The following ZBTB7A variants were observed in gnomAD, a reference collection of about 807,000 sequenced individuals.
ZBTB7A encodes zinc finger and BTB domain containing 7A, also known as zinc finger and BTB domain-containing protein 7A.
Under a neutral mutation model 26.7 loss-of-function variants are expected in ZBTB7A, and 7 were observed. That is an observed-to-expected ratio of 0.26 (90% confidence interval 0.15 to 0.49). The LOEUF is 0.49. Ranked by LOEUF, ZBTB7A falls within the 20% of genes least tolerant of loss-of-function variation. The probability of loss-of-function intolerance (pLI) is 0.98; values close to 1 mark genes in which losing one functional copy is unlikely to be tolerated. For missense variants in ZBTB7A, 617 were observed against 919.5 expected (o/e 0.67, Z 4.25); for synonymous variants, 452 against 441.0 (o/e 1.02, Z -0.31).
chr19:4,064,532 C>G (rs1385931367), intron 1 of ZBTB7A, among the ~76,000 whole-genome samples: 2 of 152,278 alleles, frequency 1.3e-5, no homozygotes, highest in African/African-American at 4.8e-5. Flanking sequence ...CTGGCCTCCC[C>G]GGGACCTCTC....
At chr19:4,063,522 C>G (rs117029853) in intron 1 of ZBTB7A, among the ~76,000 whole-genome samples, 1 of 152,182 alleles carries the variant, frequency 6.6e-6, no homozygotes, top group African/African-American at 2.4e-5. Flanking sequence ...GGCAGGGAGG[C>G]GAGAGGGCTG....
At chr19:4,065,452 G>T in intron 1 of ZBTB7A, 2 of 146,882 alleles carry the variant, frequency 1.4e-5, no homozygotes, top group South Asian at 3.7e-4. Flanking sequence ...GCAGCGGCGA[G>T]GGGGCCCGGC....
At chr19:4,051,881 C>T (rs1279537738) in intron 2 of ZBTB7A, among the ~76,000 whole-genome samples, 1 of 152,000 alleles carries the variant, frequency 6.6e-6, no homozygotes, top group Non-Finnish European at 1.5e-5. Context: ...CGGAGGTATC[C>T]CTAGTTTCAT....
chr19:4,054,923 C>T lies in ZBTB7A; in HGVS notation c.310G>A (p.Val104Met), dbSNP rs1345941579. The change falls in exon 2 of 3, where the codon GTG becomes ATG. Residue 104 changes from valine to methionine, a missense_variant. Val to Met is a conservative substitution (Grantham distance 21, BLOSUM62 1). Coordinates refer to ENST00000322357, the MANE Select transcript of ZBTB7A (RefSeq NM_015898.4). ...TATLTVSTAN[V>M]GDILSAARLL... The stretch of plus-strand genomic sequence containing the variant: ...CGGGCGGCGCTGAGGATGTCACCCA[C>T]GTTGGCTGTGCTGACGGTGAGCGTG... 6.2e-7 allele frequency: 1 copy of T among 1,611,204 alleles called. No homozygotes were observed. Among genetic ancestry groups the T allele is most frequent in the Admixed American group, 1.7e-5 (1 of 59,896 alleles).
In ZBTB7A at chr19:4,045,945, G is replaced by A. The variant is rs997591835; in HGVS notation, c.*1807C>T. 4 of 398,570 alleles carry A rather than the reference G, an allele frequency of 1.0e-5. No homozygotes were observed. Among genetic ancestry groups the A allele is most frequent in the South Asian group, 2.5e-4 (2 of 7,860 alleles). The allele number at this position is 398,570 out of a possible 1,614,324, so 24.7% of individuals were successfully genotyped here. A position where few individuals can be genotyped will look rare whatever the true frequency, so the allele number is the denominator to read the frequency against. On this transcript the variant is annotated 3_prime_UTR_variant, in exon 3 of 3. Coordinates refer to ENST00000322357, the MANE Select transcript of ZBTB7A (RefSeq NM_015898.4). This position sits in a 1 kb window ranked among gnomAD's most constrained non-coding sequence, Gnocchi z 4.1. ...GGTTCTAAGGCCCTGGAGGTGGGGG[G>A]CCCCTGTCACCCACCTCAGCAGGGT...
chr19:4,049,211 T>TATACATA lies in ZBTB7A; in HGVS notation c.1263-968_1263-967insTATGTAT. 4.6e-5 allele frequency among the ~76,000 whole-genome samples: 2 copies of TATACATA among 43,194 alleles called. 1 individual carries two copies. The highest frequency in any genetic ancestry group is 4.2e-3 in the East Asian group (2 of 474). The allele number at this position is 43,194 out of a possible 152,430, so 28.3% of individuals were successfully genotyped here. A position where few individuals can be genotyped will look rare whatever the true frequency, so the allele number is the denominator to read the frequency against. On this transcript the variant is annotated intron_variant, in intron 2 of 2. Transcript: ENST00000322357. ...ATATATATATATATATATATATATG[T>TATACATA]AAGTTTGAGAGATGGGGGTTGAGCT... is the stretch of plus-strand genomic sequence containing the variant.
rs944548745 is a variant in ZBTB7A at position 4,044,895 on chromosome 19, T to G, written c.*2857A>C. The G allele has an allele frequency of 6.6e-6, 1 of 151,616 alleles. No homozygotes were observed. The highest frequency in any genetic ancestry group is 2.4e-5 in the African/African-American group (1 of 41,318). 9.4% of individuals were successfully genotyped at this position (151,616 alleles called of 1,614,324 possible). Reference sequence around the variant, plus strand: ...TCTTTGGCAACACTTTATCACGACCTTAATTTAAAGAATAAAAATAAAATC... The same window carrying G: ...TCTTTGGCAACACTTTATCACGACCGTAATTTAAAGAATAAAAATAAAATC... On this transcript the variant is annotated 3_prime_UTR_variant, in exon 3 of 3. Transcript: ENST00000322357.
intron 1 of ZBTB7A, among the ~76,000 whole-genome samples, chr19:4,060,125 C>G (rs1044622712): frequency 2.0e-5 from 3 of 150,214 alleles, no homozygotes; most frequent in South Asian, 2.1e-4. Context: ...GGTGCTGACT[C>G]GGCGGCCGAG....
chr19:4,064,328 C>A (rs1188637802), intron 1 of ZBTB7A, among the ~76,000 whole-genome samples: 1 of 152,252 alleles, frequency 6.6e-6, no homozygotes, highest in Admixed American at 6.5e-5. Flanking sequence ...GGCTCCTGCC[C>A]CCCCTTCTCC....
chr19:4,053,953 C>T lies in ZBTB7A; in HGVS notation c.1262+18G>A, dbSNP rs557879656. ...GGCAGAGAGCAGGACGGCGCCTCCC[C>T]CGCGGCGGGCAGCTCACCTGGTGAA... On this transcript the variant is annotated intron_variant, in intron 2 of 2. Transcript: ENST00000322357. 22 of 1,577,136 alleles carry T rather than the reference C, an allele frequency of 1.4e-5. No individual in the cohort carries two copies. In the African/African-American group the frequency reaches 1.9e-4, roughly 13 times the overall value.
At chr19:4,058,478 C>T (rs1195779330) in intron 1 of ZBTB7A, among the ~76,000 whole-genome samples, 1 of 152,034 alleles carries the variant, frequency 6.6e-6, no homozygotes, top group Non-Finnish European at 1.5e-5. Flanking sequence ...GACTCATCCA[C>T]CCACTCGGAG....
chr19:4,044,207 A>C lies in ZBTB7A; in HGVS notation c.*3545T>G, dbSNP rs1302708562. On this transcript the variant is annotated 3_prime_UTR_variant, in exon 3 of 3. Transcript: ENST00000322357. ...AGGCTGGGGGACCCCCCTCGGAAGG[A>C]AGCAAAAAGACAGTGACAGGACTGC... Among the ~76,000 whole-genome samples the C allele has an allele frequency of 1.3e-5, 2 of 152,020 alleles. No homozygotes were observed. Among genetic ancestry groups the C allele is most frequent in the Admixed American group, 1.3e-4 (2 of 15,282 alleles).
rs2040447853 is a variant in ZBTB7A at position 4,048,142 on chromosome 19, G to A, written c.1365C>T (p.Asn455=). The A allele has an allele frequency of 1.2e-6, 2 of 1,610,592 alleles. No homozygotes were observed. The highest frequency in any genetic ancestry group is 2.2e-5 in the East Asian group (1 of 44,704). Residue 455 remains asparagine, a synonymous_variant, in exon 3 of 3, where the codon AAC becomes AAT. Coordinates refer to ENST00000322357, the MANE Select transcript of ZBTB7A (RefSeq NM_015898.4). This position sits in a 1 kb window ranked among gnomAD's most constrained non-coding sequence, Gnocchi z 6.7. ...AAFAHNYDLK[N]HMRVHTGLRP... is the part of the protein sequence containing the mutation. ...GCAGGCCCGTGTGCACGCGCATGTG[G>A]TTCTTCAGGTCGTAGTTGTGGGCAA...
At chr19:4,060,697 G>A (rs540680112) in intron 1 of ZBTB7A, among the ~76,000 whole-genome samples, 12 of 152,334 alleles carry the variant, frequency 7.9e-5, no homozygotes, top group South Asian at 2.1e-4. Flanking sequence ...GTGGGCGACC[G>A]GGGAAGGGGG....
At chr19:4,057,652 G>A (rs764922676) in intron 1 of ZBTB7A, among the ~76,000 whole-genome samples, 4 of 151,446 alleles carry the variant, frequency 2.6e-5, no homozygotes, top group Non-Finnish European at 4.4e-5. Context: ...CTGGTGGCGC[G>A]GGCCTATAGT....
Position 4,055,151 on chromosome 19 carries a change from G to A in ZBTB7A, c.82C>T (p.Arg28Trp). ...ACGTCGCACAGCAGGCCCTGCGTCC[G>A]CTGCTCGTTCAGCCCACTCAGGATG... The part of the protein sequence containing the change: ...SDILSGLNEQ[R>W]TQGLLCDVVI... Residue 28 changes from arginine to tryptophan, a missense_variant, in exon 2 of 3, where the codon CGG becomes TGG. Around this residue, in one of 5 missense-constraint regions of ZBTB7A, gnomAD observed 82 missense variants for 195.2 expected, o/e 0.42. Transcript: ENST00000322357. The A allele has an allele frequency of 6.2e-7, 1 of 1,608,194 alleles. No homozygotes were observed. The highest frequency in any genetic ancestry group is 8.5e-7 in the Non-Finnish European group (1 of 1,178,682).
At chr19:4,061,568 G>C (rs934265004) in intron 1 of ZBTB7A, 1 of 152,462 alleles carries the variant, frequency 6.6e-6, no homozygotes, top group Non-Finnish European at 1.5e-5. Flanking sequence ...GCCTGCCCTC[G>C]CCCGCAGGCC....
At position 4,054,242 on chromosome 19, in the gene ZBTB7A, C is replaced by G; in HGVS notation, c.991G>C (p.Gly331Arg). ...TCGTCGCTGTCCCCCGCCGCGGCCCCCGCCCGGCCCACCGATGACATCATC... is the reference window on the plus strand; with the variant it reads ...TCGTCGCTGTCCCCCGCCGCGGCCCGCGCCCGGCCCACCGATGACATCATC... ...QQMMSSVGRA[G>R]AAAGDSDEES... is the part of the protein sequence containing the mutation. Residue 331 changes from glycine (G) to arginine (R), a missense_variant, in exon 2 of 3, where the codon GGG becomes CGG. Gly to Arg is a moderately radical substitution (Grantham distance 125, BLOSUM62 -2). This residue lies in a region of ZBTB7A where 331 missense variants were observed against 391.3 expected (regional missense o/e 0.85). Transcript: ENST00000322357. 6.3e-7 allele frequency: 1 copy of G among 1,580,506 alleles called. No homozygotes were observed. Among genetic ancestry groups the G allele is most frequent in the Non-Finnish European group, 8.5e-7 (1 of 1,170,332 alleles).
In ZBTB7A at chr19:4,046,295, C is replaced by G. The variant is rs1430697143; in HGVS notation, c.*1457G>C. Reference sequence around the variant, plus strand: ...CTGCGATGGCTTCCTCCTGAACCCCCCTTCTCGCTTTTTGGGGAACAGAAG... The same window carrying G: ...CTGCGATGGCTTCCTCCTGAACCCCGCTTCTCGCTTTTTGGGGAACAGAAG... On this transcript the variant is annotated 3_prime_UTR_variant, in exon 3 of 3. Coordinates refer to ENST00000322357, the MANE Select transcript of ZBTB7A (RefSeq NM_015898.4). 2.6e-6 allele frequency: 1 copy of G among 385,548 alleles called. No homozygotes were observed. Among genetic ancestry groups the G allele is most frequent in the Non-Finnish European group, 4.6e-6 (1 of 218,550 alleles). 23.9% of individuals were successfully genotyped at this position (385,548 alleles called of 1,614,324 possible). A position where few individuals can be genotyped will look rare whatever the true frequency, so the allele number is the denominator to read the frequency against.
Sources: gnomAD v4.1 joint callset for allele counts (sites outside exome capture counted in the v4.1 genomes callset) on GRCh38, gnomAD v4.1.1 for gene constraint, gnomAD v4.1.1 regional missense constraint, Gnocchi (gnomAD v3.1) non-coding constraint, MANE v1.5 for transcripts, NCBI Gene and HGNC (gene_info 2026-07-23, HGNC 2026-07-21) for gene names.